Variants in GDA observed in about 807,000 individuals in gnomAD.
The protein encoded by GDA is guanine deaminase.
In GDA, 18 loss-of-function variants were observed where a neutral mutation model predicts 59.6. The observed-to-expected ratio is 0.30, with a 90% CI of 0.21 to 0.45. The LOEUF is 0.45. Ranked by LOEUF, GDA falls within the 20% of genes least tolerant of loss-of-function variation. The pLI, the probability that GDA is intolerant of heterozygous loss-of-function variation, is 1.00. For synonymous variants in GDA, 201 were observed against 201.1 expected (o/e 1.00, Z 0.00); for missense variants, 427 against 552.3 (o/e 0.77, Z 2.27).
At chr9:72,226,899 C>T (rs938349395) in intron 8 of GDA, among the ~76,000 whole-genome samples, 5 of 151,996 alleles carry the variant, frequency 3.3e-5, no homozygotes, top group Admixed American at 1.3e-4. Context: ...AGGCAGATCA[C>T]GAGGTCAGGA....
chr9:72,179,023 G>A (rs1296352131), intron 1 of GDA, among the ~76,000 whole-genome samples: 1 of 152,114 alleles, frequency 6.6e-6, no homozygotes, highest in African/African-American at 2.4e-5. Flanking sequence ...CAAGAACATG[G>A]CTGGGGCCGA....
chr9:72,222,208 C>A (rs1836975950), intron 6 of GDA, among the ~76,000 whole-genome samples: 3 of 152,206 alleles, frequency 2.0e-5, no homozygotes, highest in Admixed American at 2.0e-4. Flanking sequence ...TCTCCACAAC[C>A]TCACCAGTAT....
intron 1 of GDA, among the ~76,000 whole-genome samples, chr9:72,115,068 G>T (rs12347834): frequency 0.12 from 17,920 of 152,220 alleles, 2,178 homozygotes; most frequent in African/African-American, 0.31. Context: ...ACCGGGAGGA[G>T]CAGGGGATAA....
At position 72,247,412 on chromosome 9, in the gene GDA, A is replaced by G. The variant is rs781311349; in HGVS notation, c.1273A>G (p.Ile425Val). The change falls in exon 13 of 14, where the codon ATC becomes GTC. Residue 425 changes from isoleucine (I) to valine (V), a missense_variant. By Grantham distance (29) the Ile-to-Val change is conservative. Coordinates refer to ENST00000358399, the MANE Select transcript of GDA (RefSeq NM_004293.5). The part of the protein sequence containing the change: ...DFFGDISEAV[I>V]QKFLYLGDDR... ...CTTTTATTTTCCATTTTAGGCTGTTATCCAGAAGTTCCTCTATCTAGGTAG... is the reference window on the plus strand; with the variant it reads ...CTTTTATTTTCCATTTTAGGCTGTTGTCCAGAAGTTCCTCTATCTAGGTAG... The G allele has an allele frequency of 2.0e-6, 3 of 1,485,854 alleles. No individual in the cohort carries two copies. The highest frequency in any genetic ancestry group is 1.1e-5 in the South Asian group (1 of 88,614). The allele number at this position is 1,485,854 out of a possible 1,614,324, so 92.0% of individuals were successfully genotyped here.
intron 1 of GDA, among the ~76,000 whole-genome samples, chr9:72,166,813 C>T (rs1829370287): frequency 6.6e-6 from 1 of 152,172 alleles, no homozygotes; most frequent in Non-Finnish European, 1.5e-5. Context: ...ATCATTTCCT[C>T]TAGAAACACC....
chr9:72,237,520 A>G (rs1839152567), intron 10 of GDA, among the ~76,000 whole-genome samples: 1 of 152,172 alleles, frequency 6.6e-6, no homozygotes, highest in East Asian at 1.9e-4. Context: ...CTTTGACTTT[A>G]CACATTCTTC....
chr9:72,132,100 A>C (rs1564149957), intron 1 of GDA, among the ~76,000 whole-genome samples: 1 of 152,084 alleles, frequency 6.6e-6, no homozygotes, highest in African/African-American at 2.4e-5. Context: ...CCTATAATTT[A>C]ATCACCTCCC....
chr9:72,230,692 C>T (rs1257383761), intron 9 of GDA, among the ~76,000 whole-genome samples: 1 of 151,954 alleles, frequency 6.6e-6, no homozygotes, highest in African/African-American at 2.4e-5. Flanking sequence ...AAAGTCACTA[C>T]TCATTCAGGG....
chr9:72,147,635 T>G (rs934036542), upstream of GDA, among the ~76,000 whole-genome samples: 1 of 152,220 alleles, frequency 6.6e-6, no homozygotes, highest in Admixed American at 6.5e-5. Flanking sequence ...TTTTGACATT[T>G]AGGTTTTCAT....
At chr9:72,131,947 A>C (rs2130616993) in intron 1 of GDA, among the ~76,000 whole-genome samples, 1 of 152,358 alleles carries the variant, frequency 6.6e-6, no homozygotes, top group East Asian at 1.9e-4. Flanking sequence ...TCATGACGGA[A>C]GGCAAGAAGG....
chr9:72,227,118 A>G (rs1837701572), intron 8 of GDA, among the ~76,000 whole-genome samples: 1 of 152,192 alleles, frequency 6.6e-6, no homozygotes, highest in African/African-American at 2.4e-5. Flanking sequence ...ACTCTGTCTC[A>G]GAAAAATAAT....
intron 7 of GDA, among the ~76,000 whole-genome samples, 166 bp downstream of exon 7, chr9:72,223,393 A>G (rs1474657673): frequency 6.6e-6 from 1 of 152,202 alleles, no homozygotes; most frequent in East Asian, 1.9e-4. Context: ...ACCCCTGTAG[A>G]TATCACCTAA....
intron 1 of GDA, among the ~76,000 whole-genome samples, chr9:72,160,150 A>G (rs1227938327): frequency 1.3e-5 from 2 of 151,968 alleles, no homozygotes; most frequent in South Asian, 2.1e-4. Flanking sequence ...ACAAGAAAAT[A>G]TGAAAAAAAA....
At chr9:72,120,212 G>A (rs1228783186) in intron 1 of GDA, among the ~76,000 whole-genome samples, 1 of 144,620 alleles carries the variant, frequency 6.9e-6, no homozygotes, top group African/African-American at 2.6e-5. Flanking sequence ...TTTTGAGATA[G>A]AGTCTCCCTC....
chr9:72,247,311 C>T (rs993278176), intron 12 of GDA, 95 bp from the exon 13 acceptor site: 6 of 807,386 alleles, frequency 7.4e-6, no homozygotes, highest in African/African-American at 1.7e-5. Context: ...GAAACAAATT[C>T]GTATTTCTGG....
At chr9:72,126,978 C>G (rs572086022) in intron 1 of GDA, among the ~76,000 whole-genome samples, 2 of 152,114 alleles carry the variant, frequency 1.3e-5, no homozygotes, top group African/African-American at 4.8e-5. Flanking sequence ...TAGATCAGCT[C>G]AGAGAGAGAA....
At chr9:72,234,966 A>G (rs1018360747) in intron 10 of GDA, among the ~76,000 whole-genome samples, 2 of 152,192 alleles carry the variant, frequency 1.3e-5, no homozygotes, top group Non-Finnish European at 2.9e-5. Flanking sequence ...AGCTATACAA[A>G]AACTTGGAAA....
intron 1 of GDA, among the ~76,000 whole-genome samples, chr9:72,171,061 C>A (rs1158948155): frequency 6.6e-6 from 1 of 152,200 alleles, no homozygotes; most frequent in African/African-American, 2.4e-5. Flanking sequence ...TGGCAGTCCT[C>A]CCGCTTCAGC....
chr9:72,258,386 C>T (rs1021207571), downstream of GDA, among the ~76,000 whole-genome samples: 1 of 152,136 alleles, frequency 6.6e-6, no homozygotes, highest in African/African-American at 2.4e-5. Flanking sequence ...GACCTGTTTT[C>T]TCTGCAGAGG....
Sources: allele counts gnomAD v4.1 joint callset (sites outside exome capture counted in the v4.1 genomes callset), GRCh38; gene constraint gnomAD v4.1.1; transcripts MANE v1.5; gene names NCBI Gene and HGNC (gene_info 2026-07-23, HGNC 2026-07-21).